Variants in HIRA observed in about 807,000 individuals in gnomAD.
HIRA encodes the protein protein HIRA.
Under a neutral mutation model 126.6 loss-of-function variants are expected in HIRA, and 13 were observed. That is an observed-to-expected ratio of 0.10 (90% CI 0.07 to 0.16). HIRA has a LOEUF of 0.16. HIRA is among the 10% of genes least tolerant of loss of function. The pLI is 1.00. For synonymous variants in HIRA, 511 were observed against 520.0 expected (o/e 0.98, Z 0.24); for missense variants, 834 against 1,314.4 (o/e 0.63, Z 5.65).
chr22:19,394,246 C>G, intron 8 of HIRA, 96 bp downstream of exon 8: 1 of 1,398,206 alleles, frequency 7.2e-7, no homozygotes, highest in South Asian at 1.4e-5. Flanking sequence ...GTAAAATTAG[C>G]TTTTAAATAT....
At chr22:19,396,514 C>T (rs1018161793) in intron 7 of HIRA, among the ~76,000 whole-genome samples, 3 of 152,148 alleles carry the variant, frequency 2.0e-5, no homozygotes, top group Admixed American at 2.0e-4. Flanking sequence ...GAAACTCTGT[C>T]GCCAAAACAA....
At chr22:19,362,929 T>C (rs939994439) in intron 15 of HIRA, among the ~76,000 whole-genome samples, 3 of 148,930 alleles carry the variant, frequency 2.0e-5, no homozygotes, top group Admixed American at 2.0e-4. Context: ...TAAAAAGAAG[T>C]GAAGATTAAA....
chr22:19,339,223 C>A (rs1374686346), intron 24 of HIRA, among the ~76,000 whole-genome samples: 1 of 152,030 alleles, frequency 6.6e-6, no homozygotes, highest in Non-Finnish European at 1.5e-5. Flanking sequence ...ACAATGAAAT[C>A]AAGATGGAAA....
intron 15 of HIRA, among the ~76,000 whole-genome samples, chr22:19,370,241 G>A (rs1352311607): frequency 6.6e-6 from 1 of 152,076 alleles, no homozygotes; most frequent in African/African-American, 2.4e-5. Flanking sequence ...ACCACGCCTG[G>A]CCTGTTTTGT....
In HIRA at chr22:19,339,614, C is replaced by T. The variant is rs138251568; in HGVS notation, c.2938-8058G>A. On this transcript the variant is annotated intron_variant, in intron 24 of 24. Transcript: ENST00000263208. ...ATGCACCACTGCACTCCAGCCTGGG[C>T]GACAGAGCGAGACTCCGTCTCAAAA... is the stretch of plus-strand genomic sequence containing the variant. Among the ~76,000 whole-genome samples the T allele has an allele frequency of 2.0e-3, 294 of 146,358 alleles. 6 individuals are homozygous for T. The highest frequency in any genetic ancestry group is 0.013 in the Admixed American group (192 of 14,240).
At chr22:19,424,990 T>C (rs1369715823) in intron 1 of HIRA, among the ~76,000 whole-genome samples, 1 of 152,134 alleles carries the variant, frequency 6.6e-6, no homozygotes, top group Non-Finnish European at 1.5e-5. Flanking sequence ...GACTAGCCTG[T>C]CAAGCATCTC....
chr22:19,408,623 G>T, intron 2 of HIRA, 30 bp from the exon 3 acceptor site: 1 of 1,247,038 alleles, frequency 8.0e-7, no homozygotes, highest in Non-Finnish European at 1.2e-6. Context: ...ATGGCTGAAT[G>T]TGCAAGGAGT....
At chr22:19,403,729 T>G (rs1251533312) in intron 5 of HIRA, among the ~76,000 whole-genome samples, 4 of 152,232 alleles carry the variant, frequency 2.6e-5, no homozygotes, top group Admixed American at 6.5e-5. Flanking sequence ...ATTATTTTTC[T>G]TAGGTTTTCT....
chr22:19,428,534 A>C (rs561886826), intron 1 of HIRA, among the ~76,000 whole-genome samples: 1 of 152,336 alleles, frequency 6.6e-6, no homozygotes. Context: ...CCCACATTTC[A>C]ATAAATACTT....
At chr22:19,337,139 C>T (rs2088575715) in intron 24 of HIRA, among the ~76,000 whole-genome samples, 1 of 151,634 alleles carries the variant, frequency 6.6e-6, no homozygotes, top group African/African-American at 2.4e-5. Context: ...CTCTGTTGTC[C>T]AGGCTGGAGT....
intron 24 of HIRA, among the ~76,000 whole-genome samples, chr22:19,337,389 T>C (rs569751993): frequency 3.6e-4 from 55 of 151,874 alleles, no homozygotes; most frequent in Middle Eastern, 3.4e-3. Flanking sequence ...GTTTCAACAA[T>C]AGAATCAAAG....
At chr22:19,356,653 C>T (rs1220874578) in intron 19 of HIRA, among the ~76,000 whole-genome samples, 1 of 152,196 alleles carries the variant, frequency 6.6e-6, no homozygotes, top group African/African-American at 2.4e-5. Flanking sequence ...ATGGGCTGCT[C>T]CAGTAAGGAA....
At chr22:19,396,040 TC>T (rs1200366626) in intron 7 of HIRA, among the ~76,000 whole-genome samples, 1 of 152,030 alleles carries the variant, frequency 6.6e-6, no homozygotes, top group African/African-American at 2.4e-5. Context: ...AGGGTGCATA[TC>T]AACAAGCACA....
chr22:19,369,617 C>T (rs1015657952), intron 15 of HIRA, among the ~76,000 whole-genome samples: 1 of 152,078 alleles, frequency 6.6e-6, no homozygotes, highest in Non-Finnish European at 1.5e-5. Context: ...CTAACCACTG[C>T]ATGACACTGT....
At chr22:19,353,298 G>T in intron 23 of HIRA, 58 bp downstream of exon 23, 1 of 1,593,260 alleles carries the variant, frequency 6.3e-7, no homozygotes, top group South Asian at 1.1e-5. Flanking sequence ...ACTAAGTGAG[G>T]CCTGGGAGGA....
At chr22:19,404,016 G>A (rs1601848290) in intron 5 of HIRA, among the ~76,000 whole-genome samples, 1 of 151,932 alleles carries the variant, frequency 6.6e-6, no homozygotes, top group South Asian at 2.1e-4. Flanking sequence ...ACATTATATT[G>A]TACTGTTTGA....
chr22:19,425,596 G>GC (rs58312602), intron 1 of HIRA, among the ~76,000 whole-genome samples: 23,159 of 152,040 alleles, frequency 0.15, 3,868 homozygotes, highest in African/African-American at 0.42. Context: ...AGTGAAAATA[G>GC]TTTTCAACCA....
intron 24 of HIRA, among the ~76,000 whole-genome samples, chr22:19,340,321 G>C (rs1238205312): frequency 8.6e-5 from 13 of 151,934 alleles, no homozygotes; most frequent in African/African-American, 2.9e-4. Context: ...AATCTAGCAT[G>C]CCTTCGATTA....
In HIRA at chr22:19,353,516, C is replaced by A; in HGVS notation, c.2688G>T (p.Ser896=). The change falls in exon 23 of 25, where the codon TCG becomes TCT. Residue 896 remains serine, a synonymous_variant. Transcript: ENST00000263208. ...LAIIQGRTSN[S]GRQAARLFSV... is the part of the protein sequence containing the mutation. ...AGAAGAGCCGGGCAGCCTGCCTTCC[C>A]GAGCTGCAGAGACCAGGAGAGTTTC... 2 of 1,605,370 alleles carry A rather than the reference C, an allele frequency of 1.2e-6. No individual in the cohort carries two copies. Among genetic ancestry groups the A allele is most frequent in the African/African-American group, 2.7e-5 (2 of 74,940 alleles).
Sources: gnomAD v4.1 joint callset for allele counts (sites outside exome capture counted in the v4.1 genomes callset) on GRCh38, gnomAD v4.1.1 for gene constraint, MANE v1.5 for transcripts, NCBI Gene and HGNC (gene_info 2026-07-23, HGNC 2026-07-21) for gene names.